The following GABRB2 variants were observed in gnomAD, a reference collection of about 807,000 sequenced individuals.
The protein encoded by GABRB2 is gamma-aminobutyric acid receptor subunit beta-2.
In GABRB2, 16 loss-of-function variants were observed where a neutral mutation model predicts 54.7. The ratio of observed to expected loss-of-function variants is 0.29; its 90% CI spans 0.20 to 0.44. GABRB2 has a LOEUF of 0.44. Ranked by LOEUF, GABRB2 falls within the 20% of genes least tolerant of loss-of-function variation. GABRB2 has a pLI of 1.00. For synonymous variants in GABRB2, 244 were observed against 233.8 expected, an observed-to-expected ratio of 1.04 and a Z score of -0.40; for missense variants, 355 against 644.0, an observed-to-expected ratio of 0.55 and a Z score of 4.86.
chr5:161,459,000 A>T (rs1256315945), intron 4 of GABRB2: 1 of 152,226 alleles, frequency 6.6e-6, no homozygotes, highest in Non-Finnish European at 1.5e-5. Flanking sequence ...ACCATCTTTT[A>T]ATATGAAACC....
chr5:161,379,822 A>G (rs1190682754), intron 5 of GABRB2, among the ~76,000 whole-genome samples: 4 of 152,122 alleles, frequency 2.6e-5, no homozygotes, highest in African/African-American at 7.2e-5. Context: ...AAAGGGGAAC[A>G]TTTGAAGCCA....
intron 3 of GABRB2, among the ~76,000 whole-genome samples, chr5:161,540,840 T>C (rs1184281083): frequency 1.3e-5 from 2 of 149,698 alleles, no homozygotes; most frequent in African/African-American, 2.5e-5. Flanking sequence ...TGTAATCTCA[T>C]TATTATTATT....
chr5:161,364,047 T>C (rs181892423), intron 5 of GABRB2, among the ~76,000 whole-genome samples: 2 of 152,300 alleles, frequency 1.3e-5, no homozygotes, highest in African/African-American at 2.4e-5. Flanking sequence ...ATTTTCAAAA[T>C]ATAATACATT....
At chr5:161,364,985 G>T (rs1754933107) in intron 5 of GABRB2, among the ~76,000 whole-genome samples, 2 of 151,968 alleles carry the variant, frequency 1.3e-5, no homozygotes, top group Non-Finnish European at 2.9e-5. Context: ...TTTTCCTGTG[G>T]TCCTTAATCA....
chr5:161,363,499 C>T (rs889056788), intron 5 of GABRB2, among the ~76,000 whole-genome samples: 1 of 152,034 alleles, frequency 6.6e-6, no homozygotes, highest in Non-Finnish European at 1.5e-5. Context: ...GCACATTCTG[C>T]ACATGTATCC....
intron 5 of GABRB2, among the ~76,000 whole-genome samples, chr5:161,372,746 A>C (rs1476292431): frequency 1.3e-5 from 2 of 152,170 alleles, no homozygotes; most frequent in African/African-American, 4.8e-5. Context: ...AATTCACATC[A>C]ATTCCAGCTG....
intron 3 of GABRB2, among the ~76,000 whole-genome samples, chr5:161,463,317 C>CCACACA (rs137863733): frequency 0.065 from 9,111 of 141,078 alleles, 284 homozygotes; most frequent in African/African-American, 0.08. Context: ...TACACACACA[C>CCACACA]CACACACACA....
chr5:161,425,954 G>A (rs1413335902), intron 4 of GABRB2, among the ~76,000 whole-genome samples: 1 of 152,080 alleles, frequency 6.6e-6, no homozygotes, highest in Non-Finnish European at 1.5e-5. Context: ...TGGATATCAA[G>A]GATCTCTCAC....
chr5:161,402,565 T>C (rs533816271), intron 5 of GABRB2, among the ~76,000 whole-genome samples: 13 of 152,288 alleles, frequency 8.5e-5, no homozygotes, highest in African/African-American at 2.9e-4. Context: ...TGAGGTTACA[T>C]AGATTCAAAA....
At chr5:161,438,440 C>A (rs1325394645) in intron 4 of GABRB2, among the ~76,000 whole-genome samples, 1 of 152,118 alleles carries the variant, frequency 6.6e-6, no homozygotes, top group African/African-American at 2.4e-5. Context: ...ACAAATAAGT[C>A]CAGACACTGA....
At position 161,292,908 on chromosome 5, in the gene GABRB2, A is replaced by C. The variant is rs913440522; in HGVS notation, c.*1173T>G. The C allele has an allele frequency of 2.0e-5, 3 of 152,208 alleles. No individual in the cohort carries two copies. The highest frequency in any genetic ancestry group is 6.5e-5 in the Admixed American group (1 of 15,276). 9.4% of individuals were successfully genotyped at this position (152,208 alleles called of 1,614,324 possible). Reference sequence around the variant, plus strand: ...AATCAGAATTTTGGAAGCAAAAAAAAAGCTGGAGAGGACCATGAATCCTTT... The same window carrying C: ...AATCAGAATTTTGGAAGCAAAAAAACAGCTGGAGAGGACCATGAATCCTTT... On this transcript the variant is annotated 3_prime_UTR_variant, in exon 10 of 10. Coordinates refer to ENST00000393959, the MANE Select transcript of GABRB2 (RefSeq NM_001371727.1).
intron 3 of GABRB2, among the ~76,000 whole-genome samples, chr5:161,541,589 G>A (rs1436290555): frequency 6.6e-6 from 1 of 152,178 alleles, no homozygotes; most frequent in Non-Finnish European, 1.5e-5. Context: ...GCACTTTTAT[G>A]TTATGAAGAC....
At chr5:161,434,690 G>T (rs1041695391) in intron 4 of GABRB2, among the ~76,000 whole-genome samples, 1 of 151,962 alleles carries the variant, frequency 6.6e-6, no homozygotes, top group African/African-American at 2.4e-5. Context: ...CCATCACCTC[G>T]TAAGCATACA....
intron 8 of GABRB2, chr5:161,327,071 C>T (rs959213531): frequency 1.8e-6 from 1 of 561,824 alleles, no homozygotes; most frequent in African/African-American, 2.0e-5. Context: ...CACACACACA[C>T]ACACAAACTA....
At chr5:161,464,681 A>G (rs960270667) in intron 3 of GABRB2, among the ~76,000 whole-genome samples, 59 of 152,274 alleles carry the variant, frequency 3.9e-4, no homozygotes, top group African/African-American at 1.3e-3. Context: ...ACAAATTGGA[A>G]TGCATCCCTG....
chr5:161,416,159 T>G (rs1580967397), intron 4 of GABRB2, among the ~76,000 whole-genome samples: 1 of 152,164 alleles, frequency 6.6e-6, no homozygotes, highest in Admixed American at 6.5e-5. Context: ...AGGCAGGTCT[T>G]GAATTCCTGT....
chr5:161,504,984 A>G (rs1363097193), intron 3 of GABRB2, among the ~76,000 whole-genome samples: 2 of 152,128 alleles, frequency 1.3e-5, no homozygotes, highest in East Asian at 1.9e-4. Flanking sequence ...ATCCCTCACA[A>G]TTGCAGATGA....
intron 5 of GABRB2, among the ~76,000 whole-genome samples, chr5:161,361,988 G>C (rs566949420): frequency 6.6e-6 from 1 of 152,208 alleles, no homozygotes; most frequent in South Asian, 2.1e-4. Flanking sequence ...TCAGTTTTCT[G>C]CATACGGCTA....
intron 5 of GABRB2, among the ~76,000 whole-genome samples, chr5:161,396,627 C>T (rs1319603297): frequency 6.6e-6 from 1 of 151,984 alleles, no homozygotes; most frequent in Non-Finnish European, 1.5e-5. Flanking sequence ...GTTTTTTGAG[C>T]CTGTACTGTT....
Sources: gnomAD v4.1 joint callset for allele counts (sites outside exome capture counted in the v4.1 genomes callset) on GRCh38, gnomAD v4.1.1 for gene constraint, MANE v1.5 for transcripts, NCBI Gene and HGNC (gene_info 2026-07-23, HGNC 2026-07-21) for gene names.